The following AP5Z1 variants were observed in gnomAD, a reference collection of about 807,000 sequenced individuals.
AP5Z1 encodes the protein AP-5 complex subunit zeta-1.
Under a neutral mutation model 83.0 loss-of-function variants are expected in AP5Z1, and 106 were observed. The ratio of observed to expected loss-of-function variants is 1.28; its 90% CI spans 1.09 to 1.50. AP5Z1 has a LOEUF of 1.50. Among genes scored for constraint, AP5Z1 ranks in the 40% most tolerant of loss-of-function variants. AP5Z1 has a pLI of 0.00. For missense variants in AP5Z1, 1,565 were observed against 1,094.2 expected (o/e 1.43, Z -6.07); for synonymous variants, 751 against 514.1 (o/e 1.46, Z -6.23).
intron 11 of AP5Z1, 108 bp from the exon 12 acceptor site, chr7:4,788,046 C>G: frequency 7.0e-7 from 1 of 1,422,726 alleles, no homozygotes. Flanking sequence ...CTTCCTGGCA[C>G]CCGAGGTGCT....
intron 1 of AP5Z1, among the ~76,000 whole-genome samples, chr7:4,780,421 C>G (rs1355253432): frequency 6.6e-6 from 1 of 151,704 alleles, no homozygotes; most frequent in East Asian, 1.9e-4. Context: ...AGTTTTGAGA[C>G]CAGCCTGGCC....
intron 5 of AP5Z1, 37 bp from the exon 6 acceptor site, chr7:4,784,166 G>C (rs752299234): frequency 6.5e-7 from 1 of 1,545,066 alleles, no homozygotes; most frequent in Non-Finnish European, 8.7e-7. Context: ...TCCCGGCCTC[G>C]GCCCCCTCCG....
At chr7:4,786,722 C>T (rs957474544) in intron 10 of AP5Z1, among the ~76,000 whole-genome samples, 1 of 152,076 alleles carries the variant, frequency 6.6e-6, no homozygotes, top group South Asian at 2.1e-4. Flanking sequence ...TGGTAGGATC[C>T]CTCCCCCGGG....
rs115256152 is a variant in AP5Z1 at position 4,790,054 on chromosome 7, A to C, written c.1805+125A>C. 5.4e-3 allele frequency: 6,072 copies of C among 1,124,046 alleles called. 223 individuals are homozygous for C. In the African/African-American group the frequency reaches 0.094, roughly 17 times the overall value. The allele number at this position is 1,124,046 out of a possible 1,614,324, so 69.6% of individuals were successfully genotyped here. On this transcript the variant is annotated intron_variant, in intron 14 of 16. Coordinates refer to ENST00000649063, the MANE Select transcript of AP5Z1 (RefSeq NM_014855.3). ...CCCTAGCTGGGCCCTCAGCAGCCTCAGACCCTGCCACCCCCACCCACAGCC... is the reference window on the plus strand; with the variant it reads ...CCCTAGCTGGGCCCTCAGCAGCCTCCGACCCTGCCACCCCCACCCACAGCC...
rs1583234445 is a variant in AP5Z1, at chr7:4,786,324, A to G, written c.1207A>G (p.Ser403Gly). ...CAGGATCCCGGTGGAGCAGTTCCAC[A>G]GCCCCATGCTGGCCTTTGAATTCAT... is the stretch of plus-strand genomic sequence containing the variant. ...FTRIPVEQFHSPMLAFEFIQF... is the reference protein window; with the variant it reads ...FTRIPVEQFHGPMLAFEFIQF... Residue 403 changes from serine (S) to glycine (G), a missense_variant, in exon 10 of 17, where the codon AGC becomes GGC. By Grantham distance (56) the Ser-to-Gly change is moderately conservative. Transcript: ENST00000649063. The G allele has an allele frequency of 4.3e-6, 7 of 1,613,832 alleles. No homozygotes were observed. The highest frequency in any genetic ancestry group is 5.9e-6 in the Non-Finnish European group (7 of 1,179,820).
chr7:4,785,195 T>A, intron 7 of AP5Z1, 147 bp downstream of exon 7: 1 of 1,374,080 alleles, frequency 7.3e-7, no homozygotes, highest in Admixed American at 2.7e-5. Context: ...CATTTTTGCT[T>A]CTGGGGTCAG....
At chr7:4,786,782 TC>T (rs1781559368) in intron 10 of AP5Z1, among the ~76,000 whole-genome samples, 1 of 151,978 alleles carries the variant, frequency 6.6e-6, no homozygotes, top group Admixed American at 6.5e-5. Context: ...CTTTTTTTTT[TC>T]TTTTGAGATG....
At position 4,786,427 on chromosome 7, in the gene AP5Z1, A is replaced by G. The variant is rs753088431; in HGVS notation, c.1310A>G (p.Lys437Arg). ...TLRLSFPNLF[K>R]FLAWNSPPLT... The stretch of plus-strand genomic sequence containing the variant: ...AGATTGAGCTTCCCCAACCTCTTTA[A>G]GGTATATTTGGGCATCCCTGGGTGC... The change falls in exon 10 of 17, where the codon AAG (lysine) becomes AGG (arginine). Residue 437 changes from lysine to arginine, a missense_variant and splice_region_variant. By Grantham distance (26) the Lys-to-Arg change is conservative (BLOSUM62 2). Transcript: ENST00000649063. 1.2e-6 allele frequency: 2 copies of G among 1,613,446 alleles called. No individual in the cohort carries two copies. Among genetic ancestry groups the G allele is most frequent in the Non-Finnish European group, 1.7e-6 (2 of 1,179,726 alleles).
Position 4,788,223 on chromosome 7 carries a change from C to A in AP5Z1, c.1524C>A (p.Ala508=), listed in dbSNP as rs766258426. Residue 508 remains alanine, a synonymous_variant, in exon 12 of 17, where the codon GCC becomes GCA. Coordinates refer to ENST00000649063, the MANE Select transcript of AP5Z1 (RefSeq NM_014855.3). ...TSLRAPSCLE[A]FRDPQFQGLF... The stretch of plus-strand genomic sequence containing the variant: ...TCAGGGCCCCCAGCTGCCTGGAGGC[C>A]TTCCGGGACCCGCAGTTCCAGGGTC... 5.1e-6 allele frequency: 8 copies of A among 1,571,968 alleles called. No homozygotes were observed. In the Admixed American group the frequency reaches 1.5e-4, roughly 29 times the overall value.
At chr7:4,777,170 T>C (rs59164982) in intron 1 of AP5Z1, among the ~76,000 whole-genome samples, 11,620 of 152,090 alleles carry the variant, frequency 0.076, 1,341 homozygotes, top group African/African-American at 0.25. Context: ...TGGACAGATA[T>C]GTCATTCATG....
At chr7:4,785,760 CTTTTTTTTTTTTT>C in intron 9 of AP5Z1, 76 bp downstream of exon 9, 7 of 1,140,590 alleles carry the variant, frequency 6.1e-6, no homozygotes, top group Non-Finnish European at 8.0e-6. Context: ...TTCTTCTTCC[CTTTTTTTTTTTTT>C]TTTTTTTGAT....
rs973365156 is a variant in AP5Z1, at chr7:4,791,551, C to A, written c.*166C>A. The A allele has an allele frequency of 1.9e-6, 2 of 1,035,902 alleles. No individual in the cohort carries two copies. The highest frequency in any genetic ancestry group is 2.7e-6 in the Non-Finnish European group (2 of 728,590). 64.2% of individuals were successfully genotyped at this position (1,035,902 alleles called of 1,614,324 possible). On this transcript the variant is annotated 3_prime_UTR_variant, in exon 17 of 17. Coordinates refer to ENST00000649063, the MANE Select transcript of AP5Z1 (RefSeq NM_014855.3). ...CAGACACGCGGGGCTGGCCCCCCTG[C>A]TCACCCTCTGGGCTTTGTCTCCGAG...
In AP5Z1 at chr7:4,783,737, C is replaced by A; in HGVS notation, c.560C>A (p.Ala187Asp). The change falls in exon 5 of 17, where the codon GCC becomes GAC. Residue 187 changes from alanine to aspartate, a missense_variant. By Grantham distance (126) the Ala-to-Asp change is moderately radical (BLOSUM62 -2). Coordinates refer to ENST00000649063, the MANE Select transcript of AP5Z1 (RefSeq NM_014855.3). ...SKRLVDWLRYASLQQGLPHSG... is the reference protein window; with the variant it reads ...SKRLVDWLRYDSLQQGLPHSG... ...CGGCTGGTCGACTGGCTGCGCTACG[C>A]CAGCCTCCAGCAAGGGCTCCCACAC... The A allele has an allele frequency of 6.4e-7, 1 of 1,550,728 alleles. No homozygotes were observed. Among genetic ancestry groups the A allele is most frequent in the Non-Finnish European group, 8.7e-7 (1 of 1,147,132 alleles).
chr7:4,794,233 T>G lies in AP5Z1; in HGVS notation c.*2848T>G, dbSNP rs1028734596. On this transcript the variant is annotated 3_prime_UTR_variant, in exon 17 of 17. Coordinates refer to ENST00000649063, the MANE Select transcript of AP5Z1 (RefSeq NM_014855.3). ...ATTGTAAACGCACCAATCAGCACCC[T>G]GTCAAAACAGACCACTCGGCTCTAC... The G allele has an allele frequency of 6.6e-6, 1 of 152,190 alleles. No homozygotes were observed. The highest frequency in any genetic ancestry group is 1.5e-5 in the Non-Finnish European group (1 of 68,074). 9.4% of individuals were successfully genotyped at this position (152,190 alleles called of 1,614,324 possible).
In AP5Z1 at chr7:4,789,886, G is replaced by C. The variant is rs777150652; in HGVS notation, c.1762G>C (p.Asp588His). The C allele has an allele frequency of 6.4e-7, 1 of 1,552,184 alleles. No individual in the cohort carries two copies. The highest frequency in any genetic ancestry group is 2.4e-5 in the East Asian group (1 of 41,082). ...QLALLLLGRS[D>H]SLYPAPGYAA... ...GGCGCTGCTGCTCCTGGGCAGGAGC[G>C]ACTCGCTCTACCCGGCCCCAGGGTA... is the stretch of plus-strand genomic sequence containing the variant. The change falls in exon 14 of 17, where the codon GAC (aspartate) becomes CAC (histidine). Residue 588 changes from aspartate (D) to histidine (H), a missense_variant. Transcript: ENST00000649063.
intron 3 of AP5Z1, among the ~76,000 whole-genome samples, chr7:4,782,742 G>C (rs1283537869): frequency 6.6e-6 from 1 of 151,756 alleles, no homozygotes; most frequent in Non-Finnish European, 1.5e-5. Context: ...GATGACTCCG[G>C]CTCTTCTTGT....
chr7:4,777,831 AATC>A (rs1409415366), intron 1 of AP5Z1, among the ~76,000 whole-genome samples: 1 of 152,172 alleles, frequency 6.6e-6, no homozygotes, highest in Non-Finnish European at 1.5e-5. Flanking sequence ...CAAGAAGGTT[AATC>A]TATTAGGGCT....
intron 10 of AP5Z1, among the ~76,000 whole-genome samples, 178 bp downstream of exon 10, chr7:4,786,606 G>C (rs971850682): frequency 1.3e-5 from 2 of 152,136 alleles, no homozygotes; most frequent in Non-Finnish European, 2.9e-5. Context: ...GCAGCGTCAC[G>C]TGATTGACGG....
Position 4,790,786 on chromosome 7 carries a change from C to G in AP5Z1, c.2052C>G (p.Cys684Trp). 6.2e-7 allele frequency: 1 copy of G among 1,608,752 alleles called. No individual in the cohort carries two copies. Among genetic ancestry groups the G allele is most frequent in the Non-Finnish European group, 8.5e-7 (1 of 1,178,650 alleles). ...LEALLFEVTQ[C>W]RPSAALPRCP... ...CTCTGCTATTCGAGGTCACCCAGTG[C>G]CGCCCCTCTGCTGCCCTGCCCAGGT... The change falls in exon 16 of 17, where the codon TGC becomes TGG. Residue 684 changes from cysteine to tryptophan, a missense_variant. Cys to Trp is a radical substitution (Grantham distance 215). Coordinates refer to ENST00000649063, the MANE Select transcript of AP5Z1 (RefSeq NM_014855.3).
Sources: gnomAD v4.1 joint callset for allele counts (sites outside exome capture counted in the v4.1 genomes callset) on GRCh38, gnomAD v4.1.1 for gene constraint, MANE v1.5 for transcripts, NCBI Gene and HGNC (gene_info 2026-07-23, HGNC 2026-07-21) for gene names.